SDHB: variants seen among roughly 807,000 people sequenced by gnomAD.
The protein encoded by SDHB is succinate dehydrogenase complex iron sulfur subunit B.
Under a neutral mutation model 39.7 loss-of-function variants are expected in SDHB, and 21 were observed. The observed-to-expected ratio is 0.53, with a 90% CI of 0.37 to 0.76. The LOEUF (loss-of-function observed/expected upper bound fraction) is 0.76. Among genes scored for constraint, SDHB ranks in the 30% least tolerant of loss-of-function variants. The probability of loss-of-function intolerance (pLI) is 0.00; values close to 1 mark genes in which losing one functional copy is unlikely to be tolerated. For synonymous variants in SDHB, 118 were observed against 117.0 expected, an observed-to-expected ratio of 1.01 and a Z score of -0.06; for missense variants, 343 against 350.9, an observed-to-expected ratio of 0.98 and a Z score of 0.18.
chr1:17,022,666 T>A lies in SDHB; in HGVS notation c.707A>T (p.Asp236Val). 6.2e-7 allele frequency: 1 copy of A among 1,613,948 alleles called. No individual in the cohort carries two copies. The highest frequency in any genetic ancestry group is 8.5e-7 in the Non-Finnish European group (1 of 1,179,948). The change falls in exon 7 of 8, where the codon GAC becomes GTC. Residue 236 changes from aspartate (D) to valine (V), a missense_variant. Physicochemically the swap from Asp to Val is radical, Grantham distance 152 (BLOSUM62 -3). Transcript: ENST00000375499. ...GTGGCAGCGGTATAGAGAGAATGGG[T>A]CCTGCAGCTTGGCCAGGCGCTCCTC... is the stretch of plus-strand genomic sequence containing the variant. ...FTEERLAKLQDPFSLYRCHTI... is the reference protein window; with the variant it reads ...FTEERLAKLQVPFSLYRCHTI...
At chr1:17,030,503 G>A (rs2078016590) in intron 3 of SDHB, among the ~76,000 whole-genome samples, 1 of 152,164 alleles carries the variant, frequency 6.6e-6, no homozygotes, top group Non-Finnish European at 1.5e-5. Flanking sequence ...GCTGACCCAG[G>A]ACCCCGACAT....
chr1:17,044,477 A>T (rs989049740), intron 2 of SDHB, among the ~76,000 whole-genome samples: 2 of 152,132 alleles, frequency 1.3e-5, no homozygotes, highest in Non-Finnish European at 2.9e-5. Flanking sequence ...GGCATGAGCC[A>T]CTATACCCAG....
chr1:17,030,046 A>G (rs764434173), intron 3 of SDHB, among the ~76,000 whole-genome samples: 8 of 152,146 alleles, frequency 5.3e-5, no homozygotes, highest in Admixed American at 2.0e-4. Context: ...TACTAAAAAT[A>G]TAAGTCGTGG....
intron 1 of SDHB, among the ~76,000 whole-genome samples, chr1:17,048,231 A>G (rs2078124540): frequency 6.6e-6 from 1 of 152,174 alleles, no homozygotes. Flanking sequence ...TATCAATATA[A>G]TCATCTGGTA....
intron 3 of SDHB, among the ~76,000 whole-genome samples, chr1:17,031,625 A>ATT (rs2078023201): frequency 6.6e-6 from 1 of 152,256 alleles, no homozygotes; most frequent in Non-Finnish European, 1.5e-5. Flanking sequence ...GCAACGCTAA[A>ATT]TAAGATTAGC....
chr1:17,052,218 A>G (rs1351053912), intron 1 of SDHB: 4 of 152,244 alleles, frequency 2.6e-5, no homozygotes, highest in African/African-American at 9.6e-5. Flanking sequence ...ATAAGGCAAC[A>G]CAAACAATAG....
chr1:17,052,689 C>T (rs1466778421), intron 1 of SDHB, among the ~76,000 whole-genome samples: 1 of 152,168 alleles, frequency 6.6e-6, no homozygotes, highest in African/African-American at 2.4e-5. Flanking sequence ...CTCCCCTTTT[C>T]AGAAAGGCTG....
intron 1 of SDHB, among the ~76,000 whole-genome samples, chr1:17,047,530 C>T (rs1029796730): frequency 1.3e-5 from 2 of 149,754 alleles, no homozygotes; most frequent in African/African-American, 2.5e-5. Context: ...TACAAAAAAA[C>T]GAATTAGCAG....
At chr1:17,035,233 C>G (rs1235405574) in intron 2 of SDHB, among the ~76,000 whole-genome samples, 1 of 152,118 alleles carries the variant, frequency 6.6e-6, no homozygotes, top group Non-Finnish European at 1.5e-5. Context: ...TTATCTATCA[C>G]TTTTAAGCCT....
chr1:17,027,523 T>C (rs1049767081), intron 5 of SDHB: 11 of 540,842 alleles, frequency 2.0e-5, no homozygotes, highest in African/African-American at 1.9e-4. Context: ...CACCCGCCCC[T>C]GCAGGCGGGG....
chr1:17,032,336 C>A (rs892995688), intron 3 of SDHB, among the ~76,000 whole-genome samples: 2 of 135,466 alleles, frequency 1.5e-5, no homozygotes, highest in East Asian at 3.9e-4. Flanking sequence ...TACAGGCGTC[C>A]GCTATCACGC....
intron 3 of SDHB, among the ~76,000 whole-genome samples, chr1:17,032,010 C>G (rs920175441): frequency 6.6e-6 from 1 of 152,154 alleles, no homozygotes. Flanking sequence ...CAGAGCCGGG[C>G]ACACAGTCTG....
chr1:17,046,731 C>T (rs932542618), intron 1 of SDHB, among the ~76,000 whole-genome samples: 2 of 152,016 alleles, frequency 1.3e-5, no homozygotes, highest in Non-Finnish European at 2.9e-5. Context: ...ATTTATTTAT[C>T]TTTGAGACTG....
At chr1:17,034,378 G>C (rs916240466) in intron 2 of SDHB, among the ~76,000 whole-genome samples, 1 of 151,574 alleles carries the variant, frequency 6.6e-6, no homozygotes, top group African/African-American at 2.4e-5. Flanking sequence ...CTAACTCCTG[G>C]ACTCAAGTGA....
At chr1:17,036,602 A>C (rs1325095626) in intron 2 of SDHB, among the ~76,000 whole-genome samples, 1 of 151,144 alleles carries the variant, frequency 6.6e-6, no homozygotes, top group Non-Finnish European at 1.5e-5. Flanking sequence ...GTTCATTGCT[A>C]GTGTATAGAA....
At chr1:17,022,914 G>T in intron 6 of SDHB, 184 bp from the exon 7 acceptor site, 1 of 710,314 alleles carries the variant, frequency 1.4e-6, no homozygotes, top group South Asian at 1.6e-5. Flanking sequence ...AGCTTCACTT[G>T]ATTAATGGTC....
chr1:17,032,951 C>CTG (rs2078031273), intron 3 of SDHB, 109 bp downstream of exon 3: 2 of 825,374 alleles, frequency 2.4e-6, no homozygotes, highest in Admixed American at 3.8e-5. Context: ...GCAAGTTCAC[C>CTG]CAGCAGAGAG....
intron 1 of SDHB, among the ~76,000 whole-genome samples, chr1:17,049,847 G>A (rs1009609142): frequency 2.0e-5 from 3 of 150,200 alleles, no homozygotes; most frequent in Non-Finnish European, 3.0e-5. Flanking sequence ...GGGTTTCACC[G>A]TTTTAGCCAG....
At chr1:17,023,935 G>A (rs1298930748) in intron 6 of SDHB, 38 bp downstream of exon 6, 2 of 1,491,660 alleles carry the variant, frequency 1.3e-6, no homozygotes, top group Non-Finnish European at 1.9e-6. Context: ...GGATGCTTGA[G>A]TTTCAATTTC....
Sources: allele counts gnomAD v4.1 joint callset (sites outside exome capture counted in the v4.1 genomes callset), GRCh38; gene constraint gnomAD v4.1.1; transcripts MANE v1.5; gene names NCBI Gene and HGNC (gene_info 2026-07-23, HGNC 2026-07-21).